The following EVC variants were observed in gnomAD, a reference collection of about 807,000 sequenced individuals.
The protein encoded by EVC is EvC ciliary complex subunit 1.
A neutral mutation model predicts 118.9 loss-of-function variants in EVC; 116 were observed. The observed-to-expected ratio is 0.98, with a 90% confidence interval of 0.84 to 1.14. EVC has a LOEUF of 1.14. Ranked by LOEUF, EVC falls within the 50% of genes most tolerant of loss-of-function variation. The pLI is 0.00. For missense variants in EVC, 1,401 were observed against 1,246.4 expected (o/e 1.12, Z -1.87); for synonymous variants, 619 against 534.7 (o/e 1.16, Z -2.18).
intron 2 of EVC, among the ~76,000 whole-genome samples, chr4:5,725,151 T>C (rs1054848402): frequency 7.9e-5 from 12 of 152,204 alleles, no homozygotes; most frequent in Non-Finnish European, 1.0e-4. Context: ...GTTGATTCCA[T>C]GTCTTTGCTA....
At chr4:5,734,908 C>T (rs1727427524) in intron 5 of EVC, among the ~76,000 whole-genome samples, 2 of 152,200 alleles carry the variant, frequency 1.3e-5, no homozygotes, top group South Asian at 4.1e-4. Flanking sequence ...GCTGTTTTCT[C>T]CAAGGCTCCA....
chr4:5,810,522 G>C, intron 20 of EVC, 72 bp downstream of exon 20: 1 of 1,150,390 alleles, frequency 8.7e-7, no homozygotes, highest in Non-Finnish European at 1.3e-6. Context: ...TGTGCCAAAA[G>C]TCAGGGCAGG....
rs201282320 is a variant in EVC at position 5,745,350 on chromosome 4, C to G, written c.939+9C>G. ...AACAGCTAATCGATAATGTGCGTGC[C>G]AGACTTTCTTTCCTGTACACAAATT... On this transcript the variant is annotated intron_variant, in intron 7 of 20. Transcript: ENST00000264956. 2 of 1,612,266 alleles carry G rather than the reference C, an allele frequency of 1.2e-6. No individual in the cohort carries two copies. The highest frequency in any genetic ancestry group is 1.7e-6 in the Non-Finnish European group (2 of 1,179,576).
the EVC span, chr4:5,825,818 C>A: frequency 1.5e-6 from 1 of 684,738 alleles, no homozygotes; most frequent in South Asian, 1.9e-5. The surrounding 1 kb of genome is among the most constrained non-coding windows in gnomAD (Gnocchi z 4.4). Flanking sequence ...GTGCACTTCA[C>A]ACACATGCAG....
chr4:5,733,337 A>T lies in EVC; in HGVS notation c.618-14A>T. ...ACCCTGAAAGTCTTTTCCGCTTCTCATTTTATTTTGCAGTGTAGACGTTGA... is the reference window on the plus strand; with the variant it reads ...ACCCTGAAAGTCTTTTCCGCTTCTCTTTTTATTTTGCAGTGTAGACGTTGA... On this transcript the variant is annotated splice_polypyrimidine_tract_variant and intron_variant, in intron 4 of 20. Coordinates refer to ENST00000264956, the MANE Select transcript of EVC (RefSeq NM_153717.3). 6.2e-7 allele frequency: 1 copy of T among 1,611,528 alleles called. No homozygotes were observed. The highest frequency in any genetic ancestry group is 8.5e-7 in the Non-Finnish European group (1 of 1,177,770).
intron 17 of EVC, among the ~76,000 whole-genome samples, chr4:5,806,980 C>CT (rs909382663): frequency 7.9e-5 from 12 of 151,952 alleles, no homozygotes; most frequent in African/African-American, 2.7e-4. Flanking sequence ...ATTTGTGTGT[C>CT]TTTTTTTTAA....
Position 5,738,756 on chromosome 4 carries a change from G to A in EVC, c.703-2960G>A, listed in dbSNP as rs1466529619. Among the ~76,000 whole-genome samples the A allele has an allele frequency of 6.6e-6, 1 of 151,868 alleles. No homozygotes were observed. Among genetic ancestry groups the A allele is most frequent in the African/African-American group, 2.4e-5 (1 of 41,348 alleles). On this transcript the variant is annotated intron_variant, in intron 5 of 20. Coordinates refer to ENST00000264956, the MANE Select transcript of EVC (RefSeq NM_153717.3). This position sits in a 1 kb window ranked among gnomAD's most constrained non-coding sequence, Gnocchi z 6.5. ...CAATTTTTGCATTTTTAGTAGAGAC[G>A]GGGTTTCACCATGTTGGCCAGGATG...
At chr4:5,772,835 C>G (rs1734194590) in intron 11 of EVC, among the ~76,000 whole-genome samples, 1 of 152,138 alleles carries the variant, frequency 6.6e-6, no homozygotes, top group South Asian at 2.1e-4. Context: ...ACCCCAGTGC[C>G]TGAAACTGTC....
intron 12 of EVC, among the ~76,000 whole-genome samples, 183 bp downstream of exon 12, chr4:5,783,947 T>G (rs917719585): frequency 1.3e-5 from 2 of 152,116 alleles, no homozygotes; most frequent in South Asian, 4.1e-4. Context: ...AGCCCTTATC[T>G]CCCTCAACAG....
At chr4:5,827,622 A>G in the EVC span, among the ~76,000 whole-genome samples, 1,025 of 150,140 alleles carry the variant, frequency 6.8e-3, 7 homozygotes, top group African/African-American at 0.023. Context: ...ACACACGCGC[A>G]CACACACACA....
rs1045440803 is a variant in EVC, at chr4:5,754,127, A to G, written c.1464+194A>G. On this transcript the variant is annotated intron_variant, in intron 10 of 20. Transcript: ENST00000264956. The surrounding 1 kb of genome is among the most constrained non-coding windows in gnomAD (Gnocchi z 5.8). ...GGTCCTAGTGGACTGTAAGCTGGTG[A>G]TAAGAGTTGTGCTGCCCTCACTGGG... is the stretch of plus-strand genomic sequence containing the variant. 5.9e-5 allele frequency among the ~76,000 whole-genome samples: 9 copies of G among 152,168 alleles called. No individual in the cohort carries two copies. Among genetic ancestry groups the G allele is most frequent in the Non-Finnish European group, 1.2e-4 (8 of 68,030 alleles).
chr4:5,779,273 G>C (rs1293229462), intron 11 of EVC, among the ~76,000 whole-genome samples: 1 of 151,526 alleles, frequency 6.6e-6, no homozygotes, highest in African/African-American at 2.4e-5. Flanking sequence ...GTCAGGTAGC[G>C]TGATGCCTCC....
intron 11 of EVC, chr4:5,758,065 C>T: frequency 1.4e-6 from 1 of 702,364 alleles, no homozygotes; most frequent in East Asian, 2.7e-5. Context: ...ATTCTAATGG[C>T]TGGTGTCCTT....
intron 4 of EVC, among the ~76,000 whole-genome samples, chr4:5,732,397 C>T (rs1726969101): frequency 6.6e-6 from 1 of 152,244 alleles, no homozygotes; most frequent in Non-Finnish European, 1.5e-5. Context: ...GAAAGTGGCC[C>T]AGGCAGAAGG....
intron 7 of EVC, among the ~76,000 whole-genome samples, chr4:5,745,582 A>G (rs1164503236): frequency 6.6e-6 from 1 of 152,154 alleles, no homozygotes; most frequent in East Asian, 1.9e-4. Flanking sequence ...TAAATTTCAG[A>G]TTGGTCTTTT....
chr4:5,733,538 C>T (rs1727183551), intron 5 of EVC, 103 bp downstream of exon 5: 6 of 1,007,208 alleles, frequency 6.0e-6, no homozygotes, highest in Non-Finnish European at 9.4e-6. Flanking sequence ...AGGCAGACAT[C>T]AGTGGAAACA....
intron 11 of EVC, among the ~76,000 whole-genome samples, chr4:5,760,616 G>A (rs147325424): frequency 0.016 from 2,371 of 152,172 alleles, 105 homozygotes; most frequent in African/African-American, 0.054. Context: ...GCAATGGTGC[G>A]ATCTCAGCTC....
At chr4:5,752,387 C>T (rs1051335379) in intron 8 of EVC, among the ~76,000 whole-genome samples, 2 of 152,084 alleles carry the variant, frequency 1.3e-5, no homozygotes, top group Non-Finnish European at 2.9e-5. Context: ...AAATCTCGGC[C>T]GTCCTCAGCA....
intron 11 of EVC, among the ~76,000 whole-genome samples, chr4:5,777,328 A>T (rs1470106609): frequency 1.3e-5 from 2 of 152,104 alleles, no homozygotes; most frequent in Non-Finnish European, 2.9e-5. Context: ...CCATTTTACT[A>T]ATATTTCTCC....
Sources: allele counts gnomAD v4.1 joint callset (sites outside exome capture counted in the v4.1 genomes callset), GRCh38; gene constraint gnomAD v4.1.1; non-coding constraint Gnocchi (gnomAD v3.1); transcripts MANE v1.5; gene names NCBI Gene and HGNC (gene_info 2026-07-23, HGNC 2026-07-21).